SUGCT: variants seen among roughly 807,000 people sequenced by gnomAD.
SUGCT encodes succinyl-CoA:glutarate-CoA transferase.
A neutral mutation model predicts 55.0 loss-of-function variants in SUGCT; 41 were observed. The observed-to-expected ratio is 0.74, with a 90% confidence interval of 0.58 to 0.97. SUGCT has a LOEUF of 0.97. SUGCT is among the 50% of genes least tolerant of loss of function. The pLI, the probability that SUGCT is intolerant of heterozygous loss-of-function variation, is 0.00. For synonymous variants in SUGCT, 187 were observed against 200.4 expected (o/e 0.93, Z 0.56); for missense variants, 568 against 547.8 (o/e 1.04, Z -0.37).
the SUGCT span, among the ~76,000 whole-genome samples, chr7:40,912,692 T>G: frequency 6.9e-6 from 1 of 145,818 alleles, no homozygotes; most frequent in East Asian, 2.0e-4. Flanking sequence ...GTTTCCAAAT[T>G]AAAAACAATT....
the SUGCT span, among the ~76,000 whole-genome samples, chr7:40,914,421 CCTT>C: frequency 6.6e-6 from 1 of 152,024 alleles, no homozygotes; most frequent in Non-Finnish European, 1.5e-5. Context: ...GCTGATGAGA[CCTT>C]CTTTTCAGCC....
chr7:40,623,310 A>T (rs747976910), intron 12 of SUGCT, among the ~76,000 whole-genome samples: 1 of 152,182 alleles, frequency 6.6e-6, no homozygotes. Context: ...AGTCATCCCC[A>T]GGATTTTAGA....
intron 7 of SUGCT, among the ~76,000 whole-genome samples, chr7:40,258,248 A>T (rs1015409311): frequency 4.6e-5 from 7 of 152,218 alleles, no homozygotes; most frequent in Non-Finnish European, 8.8e-5. Context: ...TTGAAGACCT[A>T]TTTAACACCT....
chr7:40,514,134 A>G (rs1793101187), intron 12 of SUGCT, among the ~76,000 whole-genome samples: 1 of 151,914 alleles, frequency 6.6e-6, no homozygotes, highest in African/African-American at 2.4e-5. Context: ...GTACAATTAA[A>G]TATGGACTGT....
intron 9 of SUGCT, among the ~76,000 whole-genome samples, chr7:40,354,435 T>C (rs372595673): frequency 4.6e-5 from 7 of 152,198 alleles, no homozygotes; most frequent in African/African-American, 1.7e-4. Flanking sequence ...AGAGGCCACC[T>C]GGTTAAAGCT....
chr7:40,599,858 G>A (rs1798204229), intron 12 of SUGCT, among the ~76,000 whole-genome samples: 1 of 152,114 alleles, frequency 6.6e-6, no homozygotes, highest in African/African-American at 2.4e-5. Flanking sequence ...GTGCTATATG[G>A]ATACTGGTCT....
At chr7:40,350,498 CT>C (rs890603041) in intron 9 of SUGCT, among the ~76,000 whole-genome samples, 7 of 146,478 alleles carry the variant, frequency 4.8e-5, no homozygotes, top group South Asian at 2.2e-4. Flanking sequence ...TTTTTTTCTT[CT>C]TTTTTTTTCT....
intron 12 of SUGCT, among the ~76,000 whole-genome samples, chr7:40,503,777 T>C (rs1314720729): frequency 1.3e-5 from 2 of 152,078 alleles, no homozygotes; most frequent in East Asian, 3.9e-4. Flanking sequence ...ATAGCAGATG[T>C]CAGAAAGAAA....
At chr7:40,762,247 A>C (rs1177945339) in intron 13 of SUGCT, among the ~76,000 whole-genome samples, 1 of 152,236 alleles carries the variant, frequency 6.6e-6, no homozygotes, top group Non-Finnish European at 1.5e-5. Flanking sequence ...GTAAAGCTGC[A>C]TGAGGAGAAT....
intron 9 of SUGCT, among the ~76,000 whole-genome samples, chr7:40,430,823 T>C (rs1001470758): frequency 6.6e-6 from 1 of 152,152 alleles, no homozygotes; most frequent in Non-Finnish European, 1.5e-5. Context: ...GATAAGATAA[T>C]GGCCTGTGGG....
chr7:40,969,442 C>A, the SUGCT span, among the ~76,000 whole-genome samples: 6 of 152,168 alleles, frequency 3.9e-5, no homozygotes, highest in Non-Finnish European at 5.9e-5. Context: ...CTCACTGCAG[C>A]CTCAACCTCC....
At chr7:40,396,265 C>T (rs1036550670) in intron 9 of SUGCT, among the ~76,000 whole-genome samples, 1 of 151,956 alleles carries the variant, frequency 6.6e-6, no homozygotes, top group Non-Finnish European at 1.5e-5. Context: ...TTTTTTTGAA[C>T]CTTAGTTTTA....
intron 12 of SUGCT, among the ~76,000 whole-genome samples, chr7:40,553,880 A>G (rs2151645777): frequency 6.6e-6 from 1 of 152,362 alleles, no homozygotes; most frequent in Admixed American, 6.5e-5. Context: ...AACTCAGATC[A>G]GATCTTCCCA....
chr7:41,013,263 G>A, the SUGCT span, among the ~76,000 whole-genome samples: 2 of 152,150 alleles, frequency 1.3e-5, no homozygotes, highest in Admixed American at 6.5e-5. Context: ...GGATGGCTTG[G>A]TAAACTAATC....
intron 12 of SUGCT, among the ~76,000 whole-genome samples, chr7:40,721,957 A>G (rs1786360750): frequency 6.6e-6 from 1 of 152,212 alleles, no homozygotes; most frequent in South Asian, 2.1e-4. Flanking sequence ...TTGCATCCAT[A>G]TATTCTGGTC....
chr7:40,969,834 A>G, the SUGCT span, among the ~76,000 whole-genome samples: 1 of 152,208 alleles, frequency 6.6e-6, no homozygotes, highest in African/African-American at 2.4e-5. Context: ...AATTACAGAA[A>G]AGGTTTAAAG....
At chr7:40,999,588 A>G in the SUGCT span, among the ~76,000 whole-genome samples, 1 of 152,168 alleles carries the variant, frequency 6.6e-6, no homozygotes, top group South Asian at 2.1e-4. Flanking sequence ...AAAACAGGAT[A>G]AATGTAGTAG....
chr7:40,837,727 C>T (rs1793061944), intron 13 of SUGCT, among the ~76,000 whole-genome samples: 1 of 152,082 alleles, frequency 6.6e-6, no homozygotes. Flanking sequence ...GATTCTCATG[C>T]CTCCTCCTCC....
chr7:40,230,388 G>A (rs1336520133), intron 6 of SUGCT, among the ~76,000 whole-genome samples: 1 of 152,154 alleles, frequency 6.6e-6, no homozygotes, highest in Non-Finnish European at 1.5e-5. Flanking sequence ...TCATGCTAAG[G>A]AACTGTTATT....
Sources: allele counts gnomAD v4.1 joint callset (sites outside exome capture counted in the v4.1 genomes callset), GRCh38; gene constraint gnomAD v4.1.1; transcripts MANE v1.5; gene names NCBI Gene and HGNC (gene_info 2026-07-23, HGNC 2026-07-21).